Variants in EYS observed in about 807,000 individuals in gnomAD.
EYS encodes protein eyes shut homolog.
EYS carries 250 observed loss-of-function variants against 282.1 expected under a neutral mutation model. The ratio of observed to expected loss-of-function variants is 0.89; its 90% confidence interval spans 0.80 to 0.98. The LOEUF (loss-of-function observed/expected upper bound fraction) is 0.98. EYS is among the 50% of genes least tolerant of loss of function. The pLI, the probability that EYS is intolerant of heterozygous loss-of-function variation, is 0.00. For synonymous variants in EYS, 1,355 were observed against 1,282.9 expected (o/e 1.06, Z -1.20); for missense variants, 4,016 against 3,709.0 (o/e 1.08, Z -2.15).
intron 29 of EYS, among the ~76,000 whole-genome samples, chr6:64,351,582 C>A (rs1008317465): frequency 6.6e-6 from 1 of 151,222 alleles, no homozygotes; most frequent in Admixed American, 6.6e-5. Context: ...TAAGAAGAGA[C>A]CCGAGAGCAG....
intron 23 of EYS, among the ~76,000 whole-genome samples, chr6:64,618,905 T>A (rs539514133): frequency 6.6e-6 from 1 of 152,296 alleles, no homozygotes; most frequent in Middle Eastern, 3.4e-3. Context: ...TAGTTGAGTC[T>A]CACAAACATA....
At chr6:64,095,464 A>T (rs924392234) in intron 31 of EYS, among the ~76,000 whole-genome samples, 1 of 152,046 alleles carries the variant, frequency 6.6e-6, no homozygotes, top group African/African-American at 2.4e-5. Flanking sequence ...TATATTTAGG[A>T]TAGTTAGCTC....
chr6:65,373,721 A>G (rs1181616156), intron 8 of EYS, among the ~76,000 whole-genome samples: 1 of 152,158 alleles, frequency 6.6e-6, no homozygotes, highest in East Asian at 1.9e-4. Flanking sequence ...TGGATACACT[A>G]TACTTTTTAA....
chr6:65,124,747 T>C (rs944190061), intron 12 of EYS, among the ~76,000 whole-genome samples: 4 of 152,166 alleles, frequency 2.6e-5, no homozygotes, highest in African/African-American at 7.2e-5. Flanking sequence ...AACTTAATTG[T>C]TCATCTAAAT....
At chr6:64,816,728 G>A (rs935340234) in intron 21 of EYS, among the ~76,000 whole-genome samples, 2 of 151,946 alleles carry the variant, frequency 1.3e-5, no homozygotes, top group Admixed American at 1.3e-4. Context: ...AGTATGGTAG[G>A]GCACACACAA....
At chr6:64,141,183 C>T (rs1175394273) in intron 31 of EYS, among the ~76,000 whole-genome samples, 2 of 151,616 alleles carry the variant, frequency 1.3e-5, no homozygotes, top group Non-Finnish European at 3.0e-5. Context: ...TACTTTATTC[C>T]TTGGCTTGTG....
chr6:63,911,842 T>G (rs1442483403), intron 35 of EYS, among the ~76,000 whole-genome samples: 1 of 152,228 alleles, frequency 6.6e-6, no homozygotes, highest in Non-Finnish European at 1.5e-5. Context: ...AACTATGTCC[T>G]TCTTATGTAT....
At chr6:64,304,383 G>A (rs547580931) in intron 30 of EYS, among the ~76,000 whole-genome samples, 27 of 152,250 alleles carry the variant, frequency 1.8e-4, no homozygotes, top group Non-Finnish European at 2.8e-4. Flanking sequence ...ATAGAGCAAC[G>A]ATGTAAAAGA....
chr6:64,627,713 G>A (rs1767652905), intron 22 of EYS, among the ~76,000 whole-genome samples: 1 of 152,134 alleles, frequency 6.6e-6, no homozygotes, highest in African/African-American at 2.4e-5. Flanking sequence ...ATTTTAGACC[G>A]TCCAGAATGT....
At chr6:63,923,436 T>C (rs1168146334) in intron 35 of EYS, among the ~76,000 whole-genome samples, 3 of 152,210 alleles carry the variant, frequency 2.0e-5, no homozygotes, top group African/African-American at 7.2e-5. Flanking sequence ...ATTAAAATTA[T>C]AGGTTATATT....
At chr6:64,169,267 T>C (rs1764399675) in intron 31 of EYS, among the ~76,000 whole-genome samples, 1 of 152,092 alleles carries the variant, frequency 6.6e-6, no homozygotes, top group African/African-American at 2.4e-5. Context: ...CAGTGGGGGT[T>C]TAGAATCGGG....
At chr6:63,930,244 C>T (rs1414846618) in intron 35 of EYS, among the ~76,000 whole-genome samples, 1 of 151,864 alleles carries the variant, frequency 6.6e-6, no homozygotes, top group Non-Finnish European at 1.5e-5. Flanking sequence ...AAAATATATA[C>T]AATTATTATT....
rs1562012359 is a variant in EYS, at chr6:63,758,355, G to A, written c.8071+4106C>T. Among the ~76,000 whole-genome samples, 3 of 152,002 alleles carry A rather than the reference G, an allele frequency of 2.0e-5. No homozygotes were observed. The East Asian group carries it at 5.8e-4, about 29-fold the overall frequency. The stretch of plus-strand genomic sequence containing the variant: ...GGAGGTTTAAAATATTTCAACTTAA[G>A]AATATATTAAAGCTAACCCATATTA... On this transcript the variant is annotated intron_variant, in intron 41 of 42. Coordinates refer to ENST00000503581, the MANE Select transcript of EYS (RefSeq NM_001142800.2).
At chr6:64,192,696 A>T in intron 31 of EYS, among the ~76,000 whole-genome samples, 1 of 152,172 alleles carries the variant, frequency 6.6e-6, no homozygotes, top group Non-Finnish European at 1.5e-5. Context: ...TGGATTAAAG[A>T]CTTAAACGTT....
chr6:64,373,749 T>C (rs1334962989), intron 29 of EYS, among the ~76,000 whole-genome samples: 2 of 152,136 alleles, frequency 1.3e-5, no homozygotes, highest in Admixed American at 6.5e-5. Context: ...AAAAGAAGTC[T>C]ATGCCTGCCA....
At chr6:64,664,215 C>T (rs965605794) in intron 22 of EYS, among the ~76,000 whole-genome samples, 1 of 152,148 alleles carries the variant, frequency 6.6e-6, no homozygotes, top group African/African-American at 2.4e-5. Context: ...AGGGGGTTTC[C>T]CACTCCCCAC....
At chr6:63,753,306 G>A (rs1362119905) in intron 41 of EYS, among the ~76,000 whole-genome samples, 1 of 151,652 alleles carries the variant, frequency 6.6e-6, no homozygotes, top group African/African-American at 2.4e-5. Flanking sequence ...ATTTACAGAA[G>A]GTTTTGGCAG....
chr6:65,334,839 T>A (rs934030696), intron 11 of EYS, 141 bp downstream of exon 11: 4 of 678,220 alleles, frequency 5.9e-6, no homozygotes, highest in Non-Finnish European at 1.0e-5. Flanking sequence ...TAACTATATA[T>A]GTATATGTAA....
chr6:64,367,371 A>T (rs1448061012), intron 29 of EYS, among the ~76,000 whole-genome samples: 6 of 152,018 alleles, frequency 3.9e-5, no homozygotes, highest in Non-Finnish European at 5.9e-5. Flanking sequence ...ACCCACAACT[A>T]AAAAAATTAT....
Sources: gnomAD v4.1 joint callset for allele counts (sites outside exome capture counted in the v4.1 genomes callset) on GRCh38, gnomAD v4.1.1 for gene constraint, MANE v1.5 for transcripts, NCBI Gene and HGNC (gene_info 2026-07-23, HGNC 2026-07-21) for gene names.